Variants in ESRRG observed in about 807,000 individuals in gnomAD.
ESRRG encodes estrogen related receptor gamma.
In ESRRG, 13 loss-of-function variants were observed where a neutral mutation model predicts 44.0. That is an observed-to-expected ratio of 0.30 (90% confidence interval 0.19 to 0.47). ESRRG has a LOEUF of 0.47. Ranked by LOEUF, ESRRG falls within the 20% of genes least tolerant of loss-of-function variation. The pLI is 1.00. For missense variants in ESRRG, 395 were observed against 580.6 expected, an observed-to-expected ratio of 0.68 and a Z score of 3.29; for synonymous variants, 215 against 214.6, an observed-to-expected ratio of 1.00 and a Z score of -0.02.
At chr1:216,521,027 A>G (rs2045943278) in intron 5 of ESRRG, among the ~76,000 whole-genome samples, 1 of 152,174 alleles carries the variant, frequency 6.6e-6, no homozygotes, top group African/African-American at 2.4e-5. Context: ...AATCATCAGA[A>G]GAGATGAGTC....
chr1:216,540,225 A>T (rs952605489), intron 5 of ESRRG, among the ~76,000 whole-genome samples: 1 of 152,036 alleles, frequency 6.6e-6, no homozygotes, highest in Non-Finnish European at 1.5e-5. Flanking sequence ...CAGAAAAGCC[A>T]ATAGACTCAG....
chr1:216,706,560 G>A (rs1301809321), intron 1 of ESRRG, among the ~76,000 whole-genome samples: 1 of 152,126 alleles, frequency 6.6e-6, no homozygotes, highest in Non-Finnish European at 1.5e-5. Flanking sequence ...CAAAAAAACT[G>A]CATTGCATAT....
intron 2 of ESRRG, among the ~76,000 whole-genome samples, chr1:216,779,739 T>A (rs1344400535): frequency 1.3e-5 from 2 of 149,284 alleles, no homozygotes; most frequent in East Asian, 4.0e-4. Context: ...ATTAGAAGTA[T>A]CTTTGGGATC....
intron 1 of ESRRG, among the ~76,000 whole-genome samples, chr1:217,069,054 T>A (rs114424637): frequency 0.015 from 2,275 of 152,306 alleles, 69 homozygotes; most frequent in African/African-American, 0.052. Flanking sequence ...TGGGTGTGTC[T>A]ATCAGGGTGT....
chr1:217,076,025 A>G (rs2091255304), intron 1 of ESRRG, among the ~76,000 whole-genome samples: 1 of 152,194 alleles, frequency 6.6e-6, no homozygotes, highest in African/African-American at 2.4e-5. Context: ...TATTCAGAAG[A>G]ATCTATATGT....
At chr1:217,031,702 G>C (rs2082085411) in intron 1 of ESRRG, among the ~76,000 whole-genome samples, 1 of 152,200 alleles carries the variant, frequency 6.6e-6, no homozygotes, top group Admixed American at 6.5e-5. Flanking sequence ...GCCAGTGGGA[G>C]ATAACTGAAT....
intron 1 of ESRRG, among the ~76,000 whole-genome samples, chr1:216,682,703 C>G (rs546475637): frequency 6.9e-5 from 6 of 86,714 alleles, no homozygotes; most frequent in African/African-American, 3.4e-4. Flanking sequence ...GCTCTTAATA[C>G]TCTATAGTGT....
chr1:217,020,708 T>C (rs1242512368), intron 1 of ESRRG, among the ~76,000 whole-genome samples: 1 of 152,174 alleles, frequency 6.6e-6, no homozygotes, highest in Non-Finnish European at 1.5e-5. Context: ...AAGGTGCTGT[T>C]GAAAAATCTA....
chr1:216,831,796 G>A (rs1434578463), intron 2 of ESRRG, among the ~76,000 whole-genome samples: 1 of 113,582 alleles, frequency 8.8e-6, no homozygotes, highest in Non-Finnish European at 2.3e-5. Context: ...TTCAAATGTG[G>A]GGCCTGGTCA....
intron 2 of ESRRG, among the ~76,000 whole-genome samples, chr1:216,914,891 A>G (rs2060946508): frequency 6.6e-6 from 1 of 152,196 alleles, no homozygotes; most frequent in South Asian, 2.1e-4. Flanking sequence ...TCCTTACTCC[A>G]TCCAGAAGTC....
chr1:217,082,563 G>A (rs948832058), intron 1 of ESRRG, among the ~76,000 whole-genome samples: 5 of 151,992 alleles, frequency 3.3e-5, no homozygotes, highest in Non-Finnish European at 5.9e-5. Flanking sequence ...GGGGATACGT[G>A]CACACACTAG....
chr1:216,873,219 T>TTTTG lies in ESRRG; in HGVS notation c.-14+66362_-14+66363insCAAA, dbSNP rs2096284042. 2.0e-5 allele frequency among the ~76,000 whole-genome samples: 3 copies of TTTTG among 147,188 alleles called. 1 individual carries two copies. The highest frequency in any genetic ancestry group is 3.9e-4 in the East Asian group (2 of 5,068). On this transcript the variant is annotated intron_variant, in intron 2 of 7. Transcript: ENST00000359162. ...ATAAACATCTTTTCAGTTTTTTTTT[T>TTTTG]TTTTTTTTTTTGACAGAGTTTCACT...
At chr1:216,732,627 T>G (rs2089063799) in intron 2 of ESRRG, among the ~76,000 whole-genome samples, 1 of 151,804 alleles carries the variant, frequency 6.6e-6, no homozygotes, top group Admixed American at 6.6e-5. Context: ...TCTGCCCTAC[T>G]AGTGAAAATG....
At chr1:216,762,711 AAAATAAAT>A (rs768532140) in intron 2 of ESRRG, among the ~76,000 whole-genome samples, 3 of 151,538 alleles carry the variant, frequency 2.0e-5, no homozygotes, top group African/African-American at 7.3e-5. Context: ...ATAATAATAA[AAAATAAAT>A]AAATAAATAA....
chr1:216,652,633 G>A lies in ESRRG; in HGVS notation c.473-1544C>T, dbSNP rs947783115. Among the ~76,000 whole-genome samples, 10 of 152,170 alleles carry A rather than the reference G, an allele frequency of 6.6e-5. No homozygotes were observed. In the South Asian group the frequency reaches 2.1e-3, roughly 32 times the overall value. ...AGTAATATTCATTGCATCAACAGAAGTATATACCATCACCTTCCTTGGAGA... is the reference window on the plus strand; with the variant it reads ...AGTAATATTCATTGCATCAACAGAAATATATACCATCACCTTCCTTGGAGA... On this transcript the variant is annotated intron_variant, in intron 2 of 6. Transcript: ENST00000408911.
At chr1:217,132,670 C>T (rs944992407) in intron 1 of ESRRG, among the ~76,000 whole-genome samples, 7 of 152,022 alleles carry the variant, frequency 4.6e-5, no homozygotes, top group Admixed American at 6.5e-5. Context: ...CAGATGGGCA[C>T]AGGTACCCAC....
intron 1 of ESRRG, among the ~76,000 whole-genome samples, chr1:216,977,888 C>T (rs2073255161): frequency 6.6e-6 from 1 of 152,030 alleles, no homozygotes; most frequent in Non-Finnish European, 1.5e-5. Context: ...GGAGCAGATT[C>T]CTGATAAAAA....
At chr1:216,558,088 C>T (rs549582326) in intron 5 of ESRRG, among the ~76,000 whole-genome samples, 1 of 152,184 alleles carries the variant, frequency 6.6e-6, no homozygotes, top group African/African-American at 2.4e-5. Context: ...TGAGGACAGG[C>T]CTCTCTGAGC....
chr1:216,943,072 T>G (rs2065505917), intron 1 of ESRRG, among the ~76,000 whole-genome samples: 1 of 152,070 alleles, frequency 6.6e-6, no homozygotes, highest in Admixed American at 6.6e-5. Flanking sequence ...AATACAGGAT[T>G]AAGAACCATC....
Sources: allele counts gnomAD v4.1 joint callset (sites outside exome capture counted in the v4.1 genomes callset), GRCh38; gene constraint gnomAD v4.1.1; transcripts MANE v1.5; gene names NCBI Gene and HGNC (gene_info 2026-07-23, HGNC 2026-07-21).